The following CALHM2 variants were observed in gnomAD, a reference collection of about 807,000 sequenced individuals.
CALHM2 encodes the protein calcium homeostasis modulator protein 2.
A neutral mutation model predicts 20.4 loss-of-function variants in CALHM2; 18 were observed. That is an observed-to-expected ratio of 0.88 (90% CI 0.61 to 1.31). CALHM2 has a LOEUF of 1.31. Ranked by LOEUF, CALHM2 falls within the 50% of genes most tolerant of loss-of-function variation. The pLI, the probability that CALHM2 is intolerant of heterozygous loss-of-function variation, is 0.00. For synonymous variants in CALHM2, 193 were observed against 192.1 expected (o/e 1.00, Z -0.04); for missense variants, 411 against 435.7 (o/e 0.94, Z 0.50).
At position 103,449,440 on chromosome 10, in the gene CALHM2, T is replaced by A; in HGVS notation, c.502A>T (p.Asn168Tyr). ...ARFPCKENPDNLSDFREEVSR... is the reference protein window; with the variant it reads ...ARFPCKENPDYLSDFREEVSR... ...ACCTCCTCCCGGAAGTCTGACAGGT[T>A]GTCAGGGTTCTCCTTGCAGGGGAAC... Residue 168 changes from asparagine to tyrosine, a missense_variant, in exon 3 of 4, where the codon AAC becomes TAC. Transcript: ENST00000260743. The A allele has an allele frequency of 6.2e-7, 1 of 1,613,324 alleles. No homozygotes were observed. The highest frequency in any genetic ancestry group is 8.5e-7 in the Non-Finnish European group (1 of 1,180,034).
chr10:103,452,178 G>C lies in CALHM2; in HGVS notation c.-384C>G, dbSNP rs905796992. Reference sequence around the variant, plus strand: ...TACCTGGGGCCAGCTGTGGGCACTTGTGGCCATGGCCTCCTCGGGGCCGGA... The same window carrying C: ...TACCTGGGGCCAGCTGTGGGCACTTCTGGCCATGGCCTCCTCGGGGCCGGA... On this transcript the variant is annotated 5_prime_UTR_variant, in exon 1 of 4. Coordinates refer to ENST00000260743, the MANE Select transcript of CALHM2 (RefSeq NM_015916.5). The C allele has an allele frequency of 7.2e-5, 11 of 152,388 alleles. No individual in the cohort carries two copies. Among genetic ancestry groups the C allele is most frequent in the Non-Finnish European group, 1.6e-4 (11 of 68,170 alleles). The allele number at this position is 152,388 out of a possible 1,614,324, so 9.4% of individuals were successfully genotyped here.
chr10:103,451,617 G>T, intron 1 of CALHM2: 1 of 154,690 alleles, frequency 6.5e-6, no homozygotes, highest in South Asian at 1.8e-4. Context: ...AGGAGAAGCT[G>T]GAGGAGGAGG....
rs933815156 is a variant in CALHM2, at chr10:103,451,262, C to T, written c.-338G>A. 1 of 152,412 alleles carries T rather than the reference C, an allele frequency of 6.6e-6. No homozygotes were observed. Among genetic ancestry groups the T allele is most frequent in the East Asian group, 1.9e-4 (1 of 5,202 alleles). 9.4% of individuals were successfully genotyped at this position (152,412 alleles called of 1,614,324 possible). A position where few individuals can be genotyped will look rare whatever the true frequency, so the allele number is the denominator to read the frequency against. On this transcript the variant is annotated 5_prime_UTR_variant, in exon 2 of 4. Transcript: ENST00000260743. ...CATCCGGAGATTATTCTGCCTTGGT[C>T]TGGGCTGTAGCGACGCTGGCAACCT...
intron 2 of CALHM2, 35 bp from the exon 3 acceptor site, chr10:103,450,134 G>C: frequency 1.7e-6 from 1 of 601,974 alleles, no homozygotes; most frequent in Non-Finnish European, 2.9e-6. Context: ...GTTTCCCTCT[G>C]AAAACCAGGA....
rs756618009 is a variant in CALHM2 at position 103,447,374 on chromosome 10, G to A, written c.750C>T (p.Phe250=). The A allele has an allele frequency of 6.2e-6, 10 of 1,614,132 alleles. No individual in the cohort carries two copies. The Admixed American group carries it at 1.5e-4, about 24-fold the overall frequency. ...CCTTGTTGAGCGCCACAAAGCCAAA[G>A]AAGCGGCGCACATTGTTGGCAGCGA... is the stretch of plus-strand genomic sequence containing the variant. ...RVLAANNVRR[F]FGFVALNKDD... is the part of the protein sequence containing the mutation. The change falls in exon 4 of 4, where the codon TTC becomes TTT. Residue 250 remains phenylalanine (F), a synonymous_variant. Coordinates refer to ENST00000260743, the MANE Select transcript of CALHM2 (RefSeq NM_015916.5).
At position 103,447,561 on chromosome 10, in the gene CALHM2, C is replaced by G. The variant is rs1219893518; in HGVS notation, c.563G>C (p.Gly188Ala). Reference sequence around the variant, plus strand: ...GGCCACCACGCCGATGAGCAGCCATCCAAAGAGCTGGCCAGAGAATGGGCA... The same window carrying G: ...GGCCACCACGCCGATGAGCAGCCATGCAAAGAGCTGGCCAGAGAATGGGCA... ...RRLRYESQLF[G>A]WLLIGVVAIL... is the part of the protein sequence containing the mutation. Residue 188 changes from glycine (G) to alanine (A), a missense_variant, in exon 4 of 4, where the codon GGA becomes GCA. By Grantham distance (60) the Gly-to-Ala change is moderately conservative (BLOSUM62 0). Coordinates refer to ENST00000260743, the MANE Select transcript of CALHM2 (RefSeq NM_015916.5). The G allele has an allele frequency of 1.9e-6, 3 of 1,590,358 alleles. No homozygotes were observed. The highest frequency in any genetic ancestry group is 2.6e-6 in the Non-Finnish European group (3 of 1,165,814).
rs910193300 is a variant in CALHM2, at chr10:103,447,326, G to A, written c.798C>T (p.Asn266=). ...GTGGCTGCGTGCCTTCCACTGGGAA[G>A]TTGGCAATCAGTTCCTCATCATCCT... is the stretch of plus-strand genomic sequence containing the variant. ...LNKDDEELIA[N]FPVEGTQPRP... is the part of the protein sequence containing the mutation. The change falls in exon 4 of 4, where the codon AAC becomes AAT. Residue 266 remains asparagine (N), a synonymous_variant. Coordinates refer to ENST00000260743, the MANE Select transcript of CALHM2 (RefSeq NM_015916.5). The A allele has an allele frequency of 6.2e-7, 1 of 1,614,174 alleles. No homozygotes were observed. The highest frequency in any genetic ancestry group is 8.5e-7 in the Non-Finnish European group (1 of 1,180,056).
At position 103,447,419 on chromosome 10, in the gene CALHM2, G is replaced by A. The variant is rs2232663; in HGVS notation, c.705C>T (p.Ala235=). 0.012 allele frequency: 19,370 copies of A among 1,614,136 alleles called. 1,617 individuals carry two copies. The African/African-American group carries it at 0.2, about 17-fold the overall frequency. ...CAGCGAGCACCCGAGAGTGCACCTC[G>A]GCCGTGCGCTGGAACAGCTGGTCCT... ...ANEDQLFQRT[A]EVHSRVLAAN... Residue 235 remains alanine (A), a synonymous_variant, in exon 4 of 4, where the codon GCC becomes GCT. Transcript: ENST00000260743.
intron 3 of CALHM2, among the ~76,000 whole-genome samples, chr10:103,448,721 AAAAAAAAAAAAAG>A (rs1393430337): frequency 1.4e-5 from 2 of 139,972 alleles, no homozygotes; most frequent in Non-Finnish European, 3.2e-5. Flanking sequence ...ACTCTGTCTC[AAAAAAAAAAAAAG>A]AAAAAAAAGA....
At chr10:103,449,213 GA>G (rs2032828864) in intron 3 of CALHM2, 173 bp downstream of exon 3, 1 of 669,030 alleles carries the variant, frequency 1.5e-6, no homozygotes, top group African/African-American at 1.8e-5. Context: ...TTTGTGTCTG[GA>G]ACTGGCCCTT....
chr10:103,451,580 C>CAGCT (rs1450210763), intron 1 of CALHM2: 1 of 153,048 alleles, frequency 6.5e-6, no homozygotes, highest in African/African-American at 2.5e-5. Flanking sequence ...TCAGGCAGAG[C>CAGCT]CATGTGGCCA....
intron 2 of CALHM2, 136 bp from the exon 3 acceptor site, chr10:103,450,235 C>A: frequency 2.2e-6 from 1 of 460,416 alleles, no homozygotes. Flanking sequence ...TCACTGAGTT[C>A]CTCCAGGGTG....
In CALHM2 at chr10:103,449,688, T is replaced by C. The variant is rs1293738284; in HGVS notation, c.254A>G (p.Glu85Gly). The C allele has an allele frequency of 6.2e-7, 1 of 1,613,756 alleles. No individual in the cohort carries two copies. Among genetic ancestry groups the C allele is most frequent in the South Asian group, 1.1e-5 (1 of 91,080 alleles). Residue 85 changes from glutamate (E) to glycine (G), a missense_variant, in exon 3 of 4, where the codon GAG becomes GGG. Physicochemically the swap from Glu to Gly is moderately conservative, Grantham distance 98 (BLOSUM62 -2). Transcript: ENST00000260743. ...LNNHTWNLVA[E>G]CQHRRTKNCS... ...GTTCTTGGTCCTCCGGTGCTGGCAC[T>C]CGGCCACGAGGTTCCAGGTGTGGTT...
At chr10:103,448,477 A>G (rs1001256011) in intron 3 of CALHM2, among the ~76,000 whole-genome samples, 1 of 151,536 alleles carries the variant, frequency 6.6e-6, no homozygotes, top group Non-Finnish European at 1.5e-5. Flanking sequence ...CTATTGAAGA[A>G]ACCTTTTAGA....
rs551973958 is a variant in CALHM2 at position 103,449,774 on chromosome 10, G to A, written c.168C>T (p.Tyr56=). Reference sequence around the variant, plus strand: ...CGGGCACGCCGATGGCCGCCAGCCCGTACAGGTAGTTCCGGGCCGGCGAGC... The same window carrying A: ...CGGGCACGCCGATGGCCGCCAGCCCATACAGGTAGTTCCGGGCCGGCGAGC... ...CPCSPARNYL[Y]GLAAIGVPAL... is the part of the protein sequence containing the mutation. The change falls in exon 3 of 4, where the codon TAC becomes TAT. Residue 56 remains tyrosine, a synonymous_variant. Coordinates refer to ENST00000260743, the MANE Select transcript of CALHM2 (RefSeq NM_015916.5). 1.1e-5 allele frequency: 17 copies of A among 1,613,516 alleles called. No individual in the cohort carries two copies. The highest frequency in any genetic ancestry group is 3.3e-4 in the Middle Eastern group (2 of 6,062).
chr10:103,449,306 C>T (rs2032835045), intron 3 of CALHM2, 81 bp downstream of exon 3: 1 of 1,285,524 alleles, frequency 7.8e-7, no homozygotes, highest in Admixed American at 1.7e-5. Context: ...GGACCAACCC[C>T]AGCTTTAGCA....
Position 103,449,672 on chromosome 10 carries a change from C to T in CALHM2, c.270G>A (p.Arg90=), listed in dbSNP as rs572164526. 6 of 1,613,834 alleles carry T rather than the reference C, an allele frequency of 3.7e-6. No individual in the cohort carries two copies. In the African/African-American group the frequency reaches 8.0e-5, roughly 22 times the overall value. Residue 90 remains arginine (R), a synonymous_variant, in exon 3 of 4, where the codon AGG becomes AGA. Coordinates refer to ENST00000260743, the MANE Select transcript of CALHM2 (RefSeq NM_015916.5). ...WNLVAECQHR[R]TKNCSAAPTF... is the part of the protein sequence containing the mutation. ...TGGGGGCGGCGGAGCAGTTCTTGGT[C>T]CTCCGGTGCTGGCACTCGGCCACGA...
chr10:103,452,126 G>A (rs2033030399), intron 1 of CALHM2, 30 bp downstream of exon 1: 1 of 152,368 alleles, frequency 6.6e-6, no homozygotes, highest in Non-Finnish European at 1.5e-5. Context: ...GCTGACACCT[G>A]GCACACCCCA....
At chr10:103,447,593 A>G (rs1227643454) in intron 3 of CALHM2, 25 bp from the exon 4 acceptor site, 1 of 1,544,664 alleles carries the variant, frequency 6.5e-7, no homozygotes, top group Non-Finnish European at 8.7e-7. Flanking sequence ...GGCACAGTTC[A>G]GGAGGGGCGA....
Sources: gnomAD v4.1 joint callset for allele counts (sites outside exome capture counted in the v4.1 genomes callset) on GRCh38, gnomAD v4.1.1 for gene constraint, MANE v1.5 for transcripts, NCBI Gene and HGNC (gene_info 2026-07-23, HGNC 2026-07-21) for gene names.